UTRN: variants seen among roughly 807,000 people sequenced by gnomAD.
UTRN encodes dystrophin-related protein 1.
A neutral mutation model predicts 463.9 loss-of-function variants in UTRN; 283 were observed. The ratio of observed to expected loss-of-function variants is 0.61; its 90% CI spans 0.55 to 0.67. The LOEUF is 0.67. Among genes scored for constraint, UTRN ranks in the 30% least tolerant of loss-of-function variants. The probability of loss-of-function intolerance (pLI) is 0.00; values close to 1 mark genes in which losing one functional copy is unlikely to be tolerated. For missense variants in UTRN, 3,922 were observed against 4,084.3 expected, an observed-to-expected ratio of 0.96 and a Z score of 1.08; for synonymous variants, 1,442 against 1,431.5, an observed-to-expected ratio of 1.01 and a Z score of -0.17.
chr6:144,741,489 AG>A (rs375263442), intron 54 of UTRN, among the ~76,000 whole-genome samples: 105 of 152,258 alleles, frequency 6.9e-4, no homozygotes, highest in Middle Eastern at 6.8e-3. Flanking sequence ...ACCATTTACA[AG>A]GGGGGTGTTC....
At chr6:144,575,205 T>A (rs1801319721) in intron 50 of UTRN, among the ~76,000 whole-genome samples, 1 of 151,800 alleles carries the variant, frequency 6.6e-6, no homozygotes, top group South Asian at 2.1e-4. Flanking sequence ...GGTTTAAATC[T>A]TTTGCCCATT....
intron 65 of UTRN, among the ~76,000 whole-genome samples, chr6:144,806,303 A>G (rs1778140902): frequency 6.6e-6 from 1 of 152,156 alleles, no homozygotes. Context: ...ATAGTCTTTC[A>G]AAAGTCACTG....
At chr6:144,470,250 G>A (rs1584914796) in intron 23 of UTRN, among the ~76,000 whole-genome samples, 2 of 152,088 alleles carry the variant, frequency 1.3e-5, no homozygotes, top group East Asian at 1.9e-4. Context: ...CCGGGCAGAG[G>A]GGTTCCCCAC....
intron 2 of UTRN, chr6:144,344,424 G>A (rs529339382): frequency 7.0e-6 from 8 of 1,143,858 alleles, no homozygotes; most frequent in Non-Finnish European, 9.2e-6. Flanking sequence ...GGCTGGTGAC[G>A]GGAACAGACA....
intron 2 of UTRN, among the ~76,000 whole-genome samples, chr6:144,400,607 T>C (rs1181329051): frequency 6.6e-6 from 1 of 152,204 alleles, no homozygotes; most frequent in African/African-American, 2.4e-5. Flanking sequence ...ATAAGAAGTA[T>C]GTGTGTTTGT....
chr6:144,597,869 C>T (rs576822185), intron 51 of UTRN, among the ~76,000 whole-genome samples: 1 of 152,312 alleles, frequency 6.6e-6, no homozygotes, highest in South Asian at 2.1e-4. Flanking sequence ...ATTCTTTTAG[C>T]ACACATACTG....
chr6:144,609,010 G>A (rs769296825), intron 51 of UTRN, among the ~76,000 whole-genome samples: 1 of 152,126 alleles, frequency 6.6e-6, no homozygotes. Flanking sequence ...ATTCCAAAAC[G>A]GCAGTAGCAA....
rs750808793 is a variant in UTRN at position 144,488,607 on chromosome 6, AAT to A, written c.3973-57_3973-56del. 2.0e-6 allele frequency: 3 copies of A among 1,512,896 alleles called. No individual in the cohort carries two copies. In the East Asian group the frequency reaches 7.0e-5, roughly 35 times the overall value. The allele number at this position is 1,512,896 out of a possible 1,614,324, so 93.7% of individuals were successfully genotyped here. On this transcript the variant is annotated intron_variant, in intron 29 of 74. Coordinates refer to ENST00000367545, the MANE Select transcript of UTRN (RefSeq NM_007124.3). ...TTTATGGTCTTTTCTTAGTGGCCAG[AAT>A]ATATATATTCTGCTATTTATATTTG... is the stretch of plus-strand genomic sequence containing the variant.
At chr6:144,668,754 GC>G in intron 51 of UTRN, among the ~76,000 whole-genome samples, 1 of 152,126 alleles carries the variant, frequency 6.6e-6, no homozygotes, top group South Asian at 2.1e-4. Context: ...CCTCCCAAAG[GC>G]CCCACCTCCT....
intron 2 of UTRN, among the ~76,000 whole-genome samples, chr6:144,313,413 T>G (rs1775071478): frequency 6.6e-6 from 1 of 151,926 alleles, no homozygotes; most frequent in Admixed American, 6.5e-5. Context: ...AATATACATA[T>G]GCTTTGATCA....
chr6:144,558,979 CTCTG>C (rs1354443806), intron 50 of UTRN, among the ~76,000 whole-genome samples: 1 of 152,078 alleles, frequency 6.6e-6, no homozygotes, highest in African/African-American at 2.4e-5. Flanking sequence ...CTTAAATATG[CTCTG>C]TCTTTGTGTT....
At chr6:144,824,957 T>C (rs1247196928) in intron 66 of UTRN, among the ~76,000 whole-genome samples, 1 of 152,040 alleles carries the variant, frequency 6.6e-6, no homozygotes, top group Non-Finnish European at 1.5e-5. Flanking sequence ...CTAATGTGTT[T>C]ATTTTTTGTG....
At chr6:144,328,673 A>G (rs1255729185) in intron 2 of UTRN, among the ~76,000 whole-genome samples, 1 of 152,218 alleles carries the variant, frequency 6.6e-6, no homozygotes, top group African/African-American at 2.4e-5. Flanking sequence ...TTCTTGGTGC[A>G]TCAGATGTTT....
rs992040588 is a variant in UTRN, at chr6:144,516,900, G to C, written c.5493G>C (p.Lys1831Asn). ...CTATGGAAGATAATAAAAAAGAAAA[G>C]ATCCGTTTGCAATTATTACTTTTGC... The part of the protein sequence containing the change: ...HQPMEDNKKE[K>N]IRLQLLLLHT... The change falls in exon 39 of 75, where the codon AAG becomes AAC. Residue 1831 changes from lysine to asparagine, a missense_variant. Around this residue, in one of 3 missense-constraint regions of UTRN, gnomAD observed 2,349 missense variants for 2,303.8 expected, o/e 1.02. Transcript: ENST00000367545. 6.6e-7 allele frequency: 1 copy of C among 1,504,840 alleles called. No individual in the cohort carries two copies. The highest frequency in any genetic ancestry group is 8.9e-7 in the Non-Finnish European group (1 of 1,129,442). The allele number at this position is 1,504,840 out of a possible 1,614,324, so 93.2% of individuals were successfully genotyped here. A position where few individuals can be genotyped will look rare whatever the true frequency, so the allele number is the denominator to read the frequency against.
At chr6:144,407,240 C>T (rs1315648333) in intron 3 of UTRN, among the ~76,000 whole-genome samples, 1 of 152,024 alleles carries the variant, frequency 6.6e-6, no homozygotes, top group Non-Finnish European at 1.5e-5. Context: ...AGTAGGTATC[C>T]AGTAAACTAT....
chr6:144,327,066 T>C (rs532483117), intron 2 of UTRN, among the ~76,000 whole-genome samples: 1 of 152,250 alleles, frequency 6.6e-6, no homozygotes, highest in East Asian at 1.9e-4. Context: ...GTCTGCTGTG[T>C]GAAGCCGAGG....
intron 46 of UTRN, among the ~76,000 whole-genome samples, chr6:144,546,603 C>A (rs76132016): frequency 6.6e-6 from 1 of 151,928 alleles, no homozygotes; most frequent in Non-Finnish European, 1.5e-5. Context: ...GAGTTTGAGA[C>A]CAGCCTGGGT....
At chr6:144,785,503 C>T (rs1776220242) in intron 61 of UTRN, among the ~76,000 whole-genome samples, 1 of 152,132 alleles carries the variant, frequency 6.6e-6, no homozygotes, top group Non-Finnish European at 1.5e-5. Flanking sequence ...TTTGATTATT[C>T]TTACTATATT....
chr6:144,447,579 C>G, intron 15 of UTRN, 23 bp from the exon 16 acceptor site: 1 of 1,609,074 alleles, frequency 6.2e-7, no homozygotes, highest in Non-Finnish European at 8.5e-7. Flanking sequence ...AAAGAGTCAT[C>G]TAATAAATAT....
Sources: gnomAD v4.1 joint callset for allele counts (sites outside exome capture counted in the v4.1 genomes callset) on GRCh38, gnomAD v4.1.1 for gene constraint, gnomAD v4.1.1 regional missense constraint, MANE v1.5 for transcripts, NCBI Gene and HGNC (gene_info 2026-07-23, HGNC 2026-07-21) for gene names.